ST6GALNAC3: variants seen among roughly 807,000 people sequenced by gnomAD.
ST6GALNAC3 encodes the protein alpha-N-acetylgalactosaminide alpha-2,6-sialyltransferase 3.
Under a neutral mutation model 32.7 loss-of-function variants are expected in ST6GALNAC3, and 25 were observed. The observed-to-expected ratio is 0.76, with a 90% CI of 0.56 to 1.07. ST6GALNAC3 has a LOEUF of 1.07. Among genes scored for constraint, ST6GALNAC3 ranks in the 50% least tolerant of loss-of-function variants. The pLI, the probability that ST6GALNAC3 is intolerant of heterozygous loss-of-function variation, is 0.00. For synonymous variants in ST6GALNAC3, 129 were observed against 133.1 expected, an observed-to-expected ratio of 0.97 and a Z score of 0.21; for missense variants, 355 against 382.4, an observed-to-expected ratio of 0.93 and a Z score of 0.60.
chr1:76,396,458 C>G (rs1375139336), intron 2 of ST6GALNAC3, among the ~76,000 whole-genome samples: 4 of 152,172 alleles, frequency 2.6e-5, no homozygotes, highest in Non-Finnish European at 4.4e-5. Context: ...GAGGGAGACG[C>G]TGTCTCAAGG....
intron 1 of ST6GALNAC3, among the ~76,000 whole-genome samples, chr1:76,112,226 G>A (rs1648042176): frequency 1.4e-5 from 2 of 141,554 alleles, no homozygotes; most frequent in African/African-American, 2.7e-5. Context: ...CGGACGGGGC[G>A]GCTGGCCGGG....
chr1:76,211,734 A>G (rs367661484), intron 1 of ST6GALNAC3, among the ~76,000 whole-genome samples: 4 of 151,766 alleles, frequency 2.6e-5, no homozygotes, highest in Non-Finnish European at 5.9e-5. Context: ...GAATTGAACA[A>G]TGAGAACACA....
At chr1:76,436,497 T>C (rs1188999140) in intron 3 of ST6GALNAC3, among the ~76,000 whole-genome samples, 1 of 152,168 alleles carries the variant, frequency 6.6e-6, no homozygotes, top group African/African-American at 2.4e-5. Flanking sequence ...GCCAACATTT[T>C]TATTTTTTAC....
intron 3 of ST6GALNAC3, among the ~76,000 whole-genome samples, chr1:76,424,043 T>G (rs912528183): frequency 1.3e-5 from 2 of 151,972 alleles, no homozygotes; most frequent in Non-Finnish European, 2.9e-5. Context: ...CAAAGAATGG[T>G]TGCTATTCCA....
At chr1:76,479,974 T>C (rs765450695) in intron 3 of ST6GALNAC3, among the ~76,000 whole-genome samples, 7 of 152,214 alleles carry the variant, frequency 4.6e-5, no homozygotes, top group Non-Finnish European at 1.0e-4. Flanking sequence ...AAATACAATG[T>C]ACTGACCTGA....
At chr1:76,262,367 T>TA (rs201275068) in intron 1 of ST6GALNAC3, among the ~76,000 whole-genome samples, 9,370 of 152,322 alleles carry the variant, frequency 0.062, 397 homozygotes, top group Middle Eastern at 0.15. Context: ...ACTATGTATT[T>TA]ATTGGACTCT....
At chr1:76,217,173 G>A (rs189550902) in intron 1 of ST6GALNAC3, among the ~76,000 whole-genome samples, 1 of 152,232 alleles carries the variant, frequency 6.6e-6, no homozygotes, top group African/African-American at 2.4e-5. Context: ...CATTAATAAT[G>A]TTCTTGACAG....
At chr1:76,129,609 TG>T (rs1557640351) in intron 1 of ST6GALNAC3, among the ~76,000 whole-genome samples, 1 of 152,096 alleles carries the variant, frequency 6.6e-6, no homozygotes, top group Non-Finnish European at 1.5e-5. Flanking sequence ...GTGGTGTGAA[TG>T]TGGGAGGTGC....
intron 2 of ST6GALNAC3, among the ~76,000 whole-genome samples, chr1:76,387,967 G>A (rs565416149): frequency 3.7e-4 from 57 of 152,162 alleles, no homozygotes; most frequent in African/African-American, 1.3e-3. Context: ...GTGAGTCTCC[G>A]GTGGACTCTG....
At chr1:76,171,774 C>T (rs112553860) in intron 1 of ST6GALNAC3, among the ~76,000 whole-genome samples, 11,270 of 148,644 alleles carry the variant, frequency 0.076, 439 homozygotes, top group Middle Eastern at 0.11. Context: ...CAATAACAAG[C>T]TCTGAAATTG....
At chr1:76,270,571 A>C (rs1658786863) in intron 1 of ST6GALNAC3, among the ~76,000 whole-genome samples, 1 of 147,006 alleles carries the variant, frequency 6.8e-6, no homozygotes, top group Non-Finnish European at 1.5e-5. Context: ...ATCTCTCTTT[A>C]TTGTTTCATT....
chr1:76,355,524 G>C (rs1481625044), intron 2 of ST6GALNAC3, among the ~76,000 whole-genome samples: 1 of 152,158 alleles, frequency 6.6e-6, no homozygotes, highest in African/African-American at 2.4e-5. Context: ...TTTTGCTTGA[G>C]TTGAAACAAT....
intron 3 of ST6GALNAC3, among the ~76,000 whole-genome samples, chr1:76,609,991 A>G (rs1647816558): frequency 6.6e-6 from 1 of 152,106 alleles, no homozygotes; most frequent in Non-Finnish European, 1.5e-5. Flanking sequence ...TTGAGTCTGT[A>G]ATTATAAGTG....
At chr1:76,089,038 G>GT (rs907179430) in intron 1 of ST6GALNAC3, among the ~76,000 whole-genome samples, 21 of 151,362 alleles carry the variant, frequency 1.4e-4, no homozygotes, top group Middle Eastern at 3.4e-3. Flanking sequence ...AAAGGATTTT[G>GT]TTTTTTTTGA....
In ST6GALNAC3 at chr1:76,345,742, C is replaced by A. The variant is rs1376856067; in HGVS notation, c.213+31743C>A. Among the ~76,000 whole-genome samples, 9 of 152,056 alleles carry A rather than the reference C, an allele frequency of 5.9e-5. No individual in the cohort carries two copies. In the South Asian group the frequency reaches 6.2e-4, roughly 10 times the overall value. On this transcript the variant is annotated intron_variant, in intron 2 of 4. Coordinates refer to ENST00000328299, the MANE Select transcript of ST6GALNAC3 (RefSeq NM_152996.4). ...AAAAGGATGGGGATCTGCTCCCCAC[C>A]CTTTCTTCCAAGTAGGACCCGTTCC...
chr1:76,085,611 T>C (rs1434272644), intron 1 of ST6GALNAC3, among the ~76,000 whole-genome samples: 1 of 152,220 alleles, frequency 6.6e-6, no homozygotes, highest in Non-Finnish European at 1.5e-5. Flanking sequence ...TCAGGACCAC[T>C]GGAAGGGACG....
chr1:76,243,132 T>A (rs1657060855), intron 1 of ST6GALNAC3, among the ~76,000 whole-genome samples: 1 of 152,218 alleles, frequency 6.6e-6, no homozygotes, highest in Non-Finnish European at 1.5e-5. Context: ...TCCTGACTTT[T>A]TAGTGATCGC....
intron 3 of ST6GALNAC3, 105 bp from the exon 4 acceptor site, chr1:76,627,347 C>T (rs1173639547): frequency 2.8e-6 from 2 of 726,178 alleles, no homozygotes; most frequent in Non-Finnish European, 4.8e-6. Context: ...ATAACAAGTG[C>T]TATGTTTTTG....
At chr1:76,184,519 G>GCGCA (rs1335590722) in intron 1 of ST6GALNAC3, among the ~76,000 whole-genome samples, 2 of 134,176 alleles carry the variant, frequency 1.5e-5, no homozygotes, top group African/African-American at 2.9e-5. Flanking sequence ...CTCCTGGGCA[G>GCGCA]CACACACACA....
Sources: allele counts gnomAD v4.1 joint callset (sites outside exome capture counted in the v4.1 genomes callset), GRCh38; gene constraint gnomAD v4.1.1; transcripts MANE v1.5; gene names NCBI Gene and HGNC (gene_info 2026-07-23, HGNC 2026-07-21).